Variants in ABAT observed in about 807,000 individuals in gnomAD.
ABAT encodes the protein 4-aminobutyrate aminotransferase, also known as 4-aminobutyrate aminotransferase, mitochondrial.
Under a neutral mutation model 64.6 loss-of-function variants are expected in ABAT, and 45 were observed. The observed-to-expected ratio is 0.70, with a 90% CI of 0.55 to 0.89. The LOEUF is 0.89. Ranked by LOEUF, ABAT falls within the 40% of genes least tolerant of loss-of-function variation. ABAT has a pLI of 0.00. For synonymous variants in ABAT, 297 were observed against 250.5 expected, an observed-to-expected ratio of 1.19 and a Z score of -1.75; for missense variants, 633 against 658.4, an observed-to-expected ratio of 0.96 and a Z score of 0.42.
Position 8,764,872 on chromosome 16 carries a change from C to G in ABAT, c.540+42C>G, listed in dbSNP as rs750283443. 3 of 1,513,242 alleles carry G rather than the reference C, an allele frequency of 2.0e-6. No individual in the cohort carries two copies. The highest frequency in any genetic ancestry group is 1.8e-6 in the Non-Finnish European group (2 of 1,089,502). 93.7% of individuals were successfully genotyped at this position (1,513,242 alleles called of 1,614,324 possible). A position where few individuals can be genotyped will look rare whatever the true frequency, so the allele number is the denominator to read the frequency against. On this transcript the variant is annotated intron_variant, in intron 8 of 15. Transcript: ENST00000268251. The surrounding 1 kb of genome is among the most constrained non-coding windows in gnomAD (Gnocchi z 4.2). The stretch of plus-strand genomic sequence containing the variant: ...ACACACACACACACACACAGGCTCC[C>G]CAGCACCCAGCCACACGCTCACCCC...
intron 5 of ABAT, chr16:8,757,087 A>G (rs746660313): frequency 6.8e-6 from 3 of 444,152 alleles, no homozygotes; most frequent in East Asian, 7.1e-5. Flanking sequence ...TGAGGATCCT[A>G]TCTGCAATCC....
At chr16:8,703,540 A>G (rs1248240783) in intron 1 of ABAT, among the ~76,000 whole-genome samples, 1 of 152,204 alleles carries the variant, frequency 6.6e-6, no homozygotes, top group African/African-American at 2.4e-5. Flanking sequence ...GGTAAATAAT[A>G]GAGCGTTTAG....
At chr16:8,757,855 T>G in intron 6 of ABAT, 49 bp downstream of exon 6, 259 of 1,476,244 alleles carry the variant, frequency 1.8e-4, no homozygotes, top group Non-Finnish European at 2.2e-4. Flanking sequence ...TTCATGGCCA[T>G]TCACAGAATC....
chr16:8,704,518 T>G (rs1315088547), intron 1 of ABAT, among the ~76,000 whole-genome samples: 2 of 152,208 alleles, frequency 1.3e-5, no homozygotes, highest in Non-Finnish European at 2.9e-5. Flanking sequence ...TACAAAAAGG[T>G]GGCAACAAAT....
At chr16:8,750,343 A>G (rs572818028) in intron 4 of ABAT, 79 bp from the exon 5 acceptor site, 3 of 1,198,850 alleles carry the variant, frequency 2.5e-6, no homozygotes, top group African/African-American at 1.5e-5. Context: ...GGTGTACTTC[A>G]CTGATTCAAG....
intron 1 of ABAT, among the ~76,000 whole-genome samples, chr16:8,710,295 GTA>G (rs1465287194): frequency 6.6e-6 from 1 of 152,204 alleles, no homozygotes. Flanking sequence ...GGGATGTTTA[GTA>G]TTCAGAAGGG....
intron 14 of ABAT, among the ~76,000 whole-genome samples, chr16:8,777,422 C>T (rs556921716): frequency 6.6e-6 from 1 of 152,306 alleles, no homozygotes; most frequent in African/African-American, 2.4e-5. Flanking sequence ...CCAGCCATCG[C>T]ATCTCAATTC....
chr16:8,779,382 C>A (rs948621594), intron 14 of ABAT, 97 bp from the exon 15 acceptor site: 6 of 1,030,376 alleles, frequency 5.8e-6, no homozygotes, highest in African/African-American at 3.1e-5. Context: ...GAGGCCGAGG[C>A]TGGACCATGG....
intron 1 of ABAT, among the ~76,000 whole-genome samples, chr16:8,698,525 G>A (rs952257764): frequency 3.9e-5 from 6 of 152,042 alleles, no homozygotes; most frequent in African/African-American, 1.4e-4. Flanking sequence ...GTAGAGATGG[G>A]GTTTCACCAT....
intron 1 of ABAT, among the ~76,000 whole-genome samples, chr16:8,701,402 C>A (rs1045964337): frequency 6.6e-6 from 1 of 152,174 alleles, no homozygotes; most frequent in Non-Finnish European, 1.5e-5. Flanking sequence ...AAGCACTCAC[C>A]CTTACTAAGC....
rs1447927551 is a variant in ABAT, at chr16:8,742,929, G to T, written c.71-3072G>T. Among the ~76,000 whole-genome samples, 10 of 149,308 alleles carry T rather than the reference G, an allele frequency of 6.7e-5. No homozygotes were observed. The South Asian group carries it at 2.1e-3, about 32-fold the overall frequency. ...TGTGTGCCTGTAGTCCTAGCTACGT[G>T]GGAGGCTGAGGCAGGAGGATCACTT... On this transcript the variant is annotated intron_variant, in intron 2 of 15. Transcript: ENST00000268251.
At chr16:8,677,009 T>G (rs2057218721) in intron 1 of ABAT, among the ~76,000 whole-genome samples, 1 of 152,220 alleles carries the variant, frequency 6.6e-6, no homozygotes, top group South Asian at 2.1e-4. Flanking sequence ...TTGGTTGTTG[T>G]GCCCCAACTT....
At chr16:8,698,977 T>C (rs369101231) in intron 1 of ABAT, among the ~76,000 whole-genome samples, 404 of 152,074 alleles carry the variant, frequency 2.7e-3, no homozygotes, top group African/African-American at 9.5e-3. Context: ...AAAAAATAAG[T>C]AGTGCTGCAA....
chr16:8,730,427 C>G (rs2058684468), intron 1 of ABAT, among the ~76,000 whole-genome samples: 1 of 152,216 alleles, frequency 6.6e-6, no homozygotes, highest in African/African-American at 2.4e-5. Flanking sequence ...ATTCTCCACA[C>G]TATTCCTGCC....
In ABAT at chr16:8,735,679, G is replaced by A; in HGVS notation, c.-41-20G>A. 6.5e-7 allele frequency: 1 copy of A among 1,549,316 alleles called. No individual in the cohort carries two copies. Among genetic ancestry groups the A allele is most frequent in the Non-Finnish European group, 8.7e-7 (1 of 1,146,032 alleles). On this transcript the variant is annotated intron_variant, in intron 1 of 15. Coordinates refer to ENST00000268251, the MANE Select transcript of ABAT (RefSeq NM_020686.6). ...GAGTGGTCTTCATGGGCCTAAGTCT[G>A]CATTTCTGGTTTCTTTCAGGGTGGC...
At chr16:8,736,661 C>T (rs1287716960) in intron 2 of ABAT, 2 of 152,376 alleles carry the variant, frequency 1.3e-5, no homozygotes, top group African/African-American at 2.4e-5. Flanking sequence ...TGCACTGGCT[C>T]CTTCTTCCTT....
chr16:8,696,108 C>T (rs932839073), intron 1 of ABAT, among the ~76,000 whole-genome samples: 3 of 152,192 alleles, frequency 2.0e-5, no homozygotes, highest in African/African-American at 4.8e-5. Flanking sequence ...AGCCATAGTA[C>T]AGGACAGAGC....
rs1296307574 is a variant in ABAT, at chr16:8,784,496, C to T, written c.*3066C>T. ...TAACATGTCACAATGTAACGGATGA[C>T]CATATGCACAATTCCATGAATTAAA... On this transcript the variant is annotated 3_prime_UTR_variant, in exon 16 of 16. Coordinates refer to ENST00000268251, the MANE Select transcript of ABAT (RefSeq NM_020686.6). 2 of 152,274 alleles carry T rather than the reference C, an allele frequency of 1.3e-5. No individual in the cohort carries two copies. The highest frequency in any genetic ancestry group is 3.9e-4 in the East Asian group (2 of 5,184). The allele number at this position is 152,274 out of a possible 1,614,324, so 9.4% of individuals were successfully genotyped here. A position where few individuals can be genotyped will look rare whatever the true frequency, so the allele number is the denominator to read the frequency against.
chr16:8,766,628 C>T (rs918129028), intron 9 of ABAT, among the ~76,000 whole-genome samples: 3 of 151,814 alleles, frequency 2.0e-5, no homozygotes, highest in Non-Finnish European at 4.4e-5. Flanking sequence ...ACACTCCAGC[C>T]TGGGTGACAG....
Sources: allele counts gnomAD v4.1 joint callset (sites outside exome capture counted in the v4.1 genomes callset), GRCh38; gene constraint gnomAD v4.1.1; non-coding constraint Gnocchi (gnomAD v3.1); transcripts MANE v1.5; gene names NCBI Gene and HGNC (gene_info 2026-07-23, HGNC 2026-07-21).